TMEM40: variants seen among roughly 807,000 people sequenced by gnomAD.
TMEM40 encodes transmembrane protein 40.
In TMEM40, 34 loss-of-function variants were observed where a neutral mutation model predicts 40.8. That is an observed-to-expected ratio of 0.83 (90% CI 0.63 to 1.11). TMEM40 has a LOEUF of 1.11. Ranked by LOEUF, TMEM40 falls within the 50% of genes least tolerant of loss-of-function variation. The pLI is 0.00. For synonymous variants in TMEM40, 106 were observed against 107.0 expected (o/e 0.99, Z 0.06); for missense variants, 296 against 280.2 (o/e 1.06, Z -0.40).
chr3:12,735,384 G>A (rs1388073705), intron 11 of TMEM40, among the ~76,000 whole-genome samples, 171 bp downstream of exon 11: 1 of 151,926 alleles, frequency 6.6e-6, no homozygotes, highest in Non-Finnish European at 1.5e-5. Flanking sequence ...TGAGGAAACC[G>A]AGGCTACACG....
rs112645119 is a variant in TMEM40 at position 12,738,247 on chromosome 3, T to C, written c.392-79A>G. ...GGTGCCTCCACCCTGGGGAAGGCTA[T>C]AGGTGACCTAAAAAAATGTCCCCAT... On this transcript the variant is annotated intron_variant, in intron 6 of 11. Coordinates refer to ENST00000314124, the MANE Select transcript of TMEM40 (RefSeq NM_018306.4). The C allele has an allele frequency of 5.3e-4, 798 of 1,500,198 alleles. 5 individuals carry two copies. The African/African-American group carries it at 8.8e-3, about 17-fold the overall frequency. The allele number at this position is 1,500,198 out of a possible 1,614,324, so 92.9% of individuals were successfully genotyped here. A position where few individuals can be genotyped will look rare whatever the true frequency, so the allele number is the denominator to read the frequency against.
chr3:12,738,514 C>T (rs373669544), intron 6 of TMEM40, 39 bp downstream of exon 6: 2 of 1,612,268 alleles, frequency 1.2e-6, no homozygotes, highest in Non-Finnish European at 1.7e-6. Context: ...TGGCTCAATA[C>T]CAGCACCAAC....
At chr3:12,762,514 C>T (rs2061576711), upstream of TMEM40, among the ~76,000 whole-genome samples, 1 of 152,076 alleles carries the variant, frequency 6.6e-6, no homozygotes, top group Non-Finnish European at 1.5e-5. Context: ...CCAGAGGCCA[C>T]AGGGGAGAGC....
At chr3:12,749,319 C>T (rs1458477697) in intron 2 of TMEM40, among the ~76,000 whole-genome samples, 8 of 152,140 alleles carry the variant, frequency 5.3e-5, no homozygotes, top group African/African-American at 1.9e-4. Flanking sequence ...CCGCCGCGCC[C>T]GGCCAGAAAA....
At chr3:12,758,829 G>T (rs1221952346) in intron 1 of TMEM40, among the ~76,000 whole-genome samples, 1 of 152,198 alleles carries the variant, frequency 6.6e-6, no homozygotes, top group Non-Finnish European at 1.5e-5. Flanking sequence ...AGGGTGTGAG[G>T]TGCCTTCAGA....
At chr3:12,749,908 G>T in intron 1 of TMEM40, 68 bp from the exon 2 acceptor site, 1 of 1,390,010 alleles carries the variant, frequency 7.2e-7, no homozygotes, top group Non-Finnish European at 9.9e-7. Context: ...AAAGAGCTTG[G>T]CAAATAAATA....
chr3:12,750,030 G>A (rs1477925283), intron 1 of TMEM40, among the ~76,000 whole-genome samples, 190 bp from the exon 2 acceptor site: 1 of 152,140 alleles, frequency 6.6e-6, no homozygotes, highest in Non-Finnish European at 1.5e-5. Context: ...GGAGGGTTAA[G>A]GGAGTGGGAA....
chr3:12,751,658 C>T (rs556022979), intron 1 of TMEM40, among the ~76,000 whole-genome samples: 1 of 152,140 alleles, frequency 6.6e-6, no homozygotes, highest in Non-Finnish European at 1.5e-5. Flanking sequence ...CATTAAAATG[C>T]ATCGATATCG....
In TMEM40 at chr3:12,737,727, C is replaced by T; in HGVS notation, c.452G>A (p.Arg151Lys). 1 of 1,614,106 alleles carries T rather than the reference C, an allele frequency of 6.2e-7. No individual in the cohort carries two copies. Among genetic ancestry groups the T allele is most frequent in the South Asian group, 1.1e-5 (1 of 91,080 alleles). ...CTTACCATCTTTCTTTATATTCAGT[C>T]TTCTTAACTGAGAGGCCTCCACTTC... The part of the protein sequence containing the change: ...SGEVEASQLR[R>K]LNIKKDDEFF... The change falls in exon 8 of 12, where the codon AGA (arginine) becomes AAA (lysine). Residue 151 changes from arginine to lysine, a missense_variant. Physicochemically the swap from Arg to Lys is conservative, Grantham distance 26. Coordinates refer to ENST00000314124, the MANE Select transcript of TMEM40 (RefSeq NM_018306.4).
chr3:12,762,267 G>C (rs1030472199), upstream of TMEM40, among the ~76,000 whole-genome samples: 4 of 152,116 alleles, frequency 2.6e-5, no homozygotes, highest in Non-Finnish European at 5.9e-5. Flanking sequence ...CAAAGCACCT[G>C]GTCTGGATAT....
intron 1 of TMEM40, among the ~76,000 whole-genome samples, chr3:12,765,770 C>T (rs1013684986): frequency 6.6e-6 from 1 of 151,960 alleles, no homozygotes; most frequent in African/African-American, 2.4e-5. Flanking sequence ...TGGGTTTCAC[C>T]GTGTTAATCA....
intron 3 of TMEM40, among the ~76,000 whole-genome samples, chr3:12,744,985 C>CA (rs2061415689): frequency 1.3e-5 from 2 of 151,788 alleles, no homozygotes; most frequent in African/African-American, 2.4e-5. Context: ...TTCATCAGTG[C>CA]AAAAAATGAC....
chr3:12,755,217 C>CTCTCTCTCTCTCTCTCTCTCTTTCTT, intron 1 of TMEM40, among the ~76,000 whole-genome samples: 1 of 81,088 alleles, frequency 1.2e-5, no homozygotes, highest in East Asian at 2.9e-4. Context: ...CTTTCTTTCT[C>CTCTCTCTCTCTCTCTCTCTCTTTCTT]TCTCTCTCTC....
chr3:12,747,257 A>G (rs2061436282), intron 3 of TMEM40, among the ~76,000 whole-genome samples: 1 of 151,962 alleles, frequency 6.6e-6, no homozygotes, highest in Admixed American at 6.6e-5. Context: ...CCCACCATAA[A>G]AGAGATCATA....
intron 1 of TMEM40, among the ~76,000 whole-genome samples, chr3:12,766,826 CA>C (rs777611871): frequency 2.6e-5 from 4 of 151,794 alleles, no homozygotes; most frequent in Admixed American, 2.0e-4. Context: ...CACAAATGCA[CA>C]AGGAGTTTAG....
rs771330558 is a variant in TMEM40, at chr3:12,748,671, T to G, written c.195A>C (p.Ser65=). The G allele has an allele frequency of 6.2e-7, 1 of 1,611,900 alleles. No homozygotes were observed. Among genetic ancestry groups the G allele is most frequent in the Non-Finnish European group, 8.5e-7 (1 of 1,178,646 alleles). ...CTGCTATACCTGAGGAGGAGGAGGA[T>G]GAAGAAGATGAGGAGGATGAGGAGG... ...SSSSSSSSSS[S]SSSSSESNDE... The change falls in exon 3 of 12, where the codon TCA becomes TCC. Residue 65 remains serine (S), a synonymous_variant. Transcript: ENST00000314124.
chr3:12,762,431 G>A (rs1575748425), upstream of TMEM40, among the ~76,000 whole-genome samples: 1 of 152,168 alleles, frequency 6.6e-6, no homozygotes, highest in East Asian at 1.9e-4. Flanking sequence ...GTACTGTGAG[G>A]GTGAGGGGGA....
chr3:12,748,507 G>T, intron 3 of TMEM40, 148 bp downstream of exon 3: 1 of 1,084,002 alleles, frequency 9.2e-7, no homozygotes, highest in Non-Finnish European at 1.3e-6. Flanking sequence ...GTACGTAGAA[G>T]CACATGTAGA....
intron 1 of TMEM40, among the ~76,000 whole-genome samples, chr3:12,753,471 G>A (rs977304458): frequency 2.0e-5 from 3 of 151,774 alleles, no homozygotes; most frequent in East Asian, 3.9e-4. Flanking sequence ...TGATCCTCCC[G>A]CCTTGGTCTC....
Sources: gnomAD v4.1 joint callset for allele counts (sites outside exome capture counted in the v4.1 genomes callset) on GRCh38, gnomAD v4.1.1 for gene constraint, MANE v1.5 for transcripts, NCBI Gene and HGNC (gene_info 2026-07-23, HGNC 2026-07-21) for gene names.